CDH13: variants seen among roughly 807,000 people sequenced by gnomAD.
CDH13 encodes the protein cadherin-13.
In CDH13, 24 loss-of-function variants were observed where a neutral mutation model predicts 63.8. The observed-to-expected ratio is 0.38, with a 90% CI of 0.27 to 0.53. The LOEUF (loss-of-function observed/expected upper bound fraction) is 0.53. Among genes scored for constraint, CDH13 ranks in the 20% least tolerant of loss-of-function variants. CDH13 has a pLI of 0.85. For missense variants in CDH13, 1,049 were observed against 903.1 expected (o/e 1.16, Z -2.07); for synonymous variants, 503 against 355.3 (o/e 1.42, Z -4.67).
intron 3 of CDH13, among the ~76,000 whole-genome samples, chr16:83,122,415 T>C (rs1597375191): frequency 6.6e-6 from 1 of 152,354 alleles, no homozygotes; most frequent in East Asian, 1.9e-4. Flanking sequence ...TTTGAACACA[T>C]TTAATTAAAA....
At chr16:83,148,781 A>G (rs895500041) in intron 4 of CDH13, among the ~76,000 whole-genome samples, 3 of 151,976 alleles carry the variant, frequency 2.0e-5, no homozygotes, top group African/African-American at 7.3e-5. Flanking sequence ...TTATCCTTAT[A>G]CTCCTAATAT....
chr16:83,549,005 G>A (rs753074251), intron 7 of CDH13, among the ~76,000 whole-genome samples: 5 of 152,166 alleles, frequency 3.3e-5, no homozygotes, highest in Non-Finnish European at 7.3e-5. Flanking sequence ...CCCCTCATCT[G>A]CATAATTTTC....
chr16:83,458,989 G>A (rs748541464), intron 6 of CDH13, among the ~76,000 whole-genome samples: 1 of 152,172 alleles, frequency 6.6e-6, no homozygotes, highest in East Asian at 1.9e-4. Flanking sequence ...TTTTCATGGG[G>A]TTTTTCTTTT....
Position 83,011,906 on chromosome 16 carries a change from CTAT to C in CDH13, c.158-20098_158-20096del, listed in dbSNP as rs551082559. 2.3e-3 allele frequency among the ~76,000 whole-genome samples: 348 copies of C among 152,312 alleles called. 2 individuals carry two copies. Among genetic ancestry groups the C allele is most frequent in the African/African-American group, 7.8e-3 (324 of 41,552 alleles). On this transcript the variant is annotated intron_variant, in intron 2 of 13. Transcript: ENST00000567109. ...TGAACAACTGTTTCGTTCATTACAG[CTAT>C]TATTAATATTTTCAAAGTTATTATT...
intron 8 of CDH13, among the ~76,000 whole-genome samples, chr16:83,646,589 C>A (rs1039483755): frequency 2.0e-5 from 3 of 151,336 alleles, no homozygotes; most frequent in African/African-American, 7.3e-5. Context: ...GTAGTCCCAG[C>A]TACTCAGAGG....
intron 1 of CDH13, among the ~76,000 whole-genome samples, chr16:82,697,007 C>A (rs376407516): frequency 6.6e-6 from 1 of 152,266 alleles, no homozygotes; most frequent in East Asian, 1.9e-4. Flanking sequence ...TGGCTTTCTC[C>A]TGTGTGAAAT....
intron 13 of CDH13, among the ~76,000 whole-genome samples, chr16:83,786,383 C>T (rs1481247532): frequency 6.6e-6 from 1 of 152,100 alleles, no homozygotes; most frequent in Non-Finnish European, 1.5e-5. Context: ...ACTACGAATT[C>T]CTGAGCTCAG....
chr16:83,788,910 G>A (rs1328789036), intron 13 of CDH13, among the ~76,000 whole-genome samples: 1 of 147,232 alleles, frequency 6.8e-6, no homozygotes, highest in Non-Finnish European at 1.5e-5. Flanking sequence ...GCTGTACAAA[G>A]ACAGTAGTTT....
chr16:83,677,357 C>T (rs976584989), intron 9 of CDH13, among the ~76,000 whole-genome samples: 12 of 152,196 alleles, frequency 7.9e-5, no homozygotes, highest in South Asian at 2.1e-4. Flanking sequence ...TCCTCATCAA[C>T]GCTGCCCATT....
intron 5 of CDH13, among the ~76,000 whole-genome samples, chr16:83,240,969 A>G (rs1017721341): frequency 6.6e-6 from 1 of 152,132 alleles, no homozygotes; most frequent in South Asian, 2.1e-4. Context: ...CTTTATACCC[A>G]TTAAACACTA....
intron 7 of CDH13, among the ~76,000 whole-genome samples, chr16:83,561,397 G>T (rs9925355): frequency 0.011 from 1,489 of 139,984 alleles, 17 homozygotes; most frequent in African/African-American, 0.038. Flanking sequence ...TTGCACTTCA[G>T]CCTGAGCAAC....
In CDH13 at chr16:83,678,473, G is replaced by T. The variant is rs959178800; in HGVS notation, c.1538+12G>T. On this transcript the variant is annotated intron_variant, in intron 10 of 13. Transcript: ENST00000567109. ...CATCAAACCATCAGGTGGGTGAGTGGCTCCGGAACCACAGACGGGAGGTGG... is the reference window on the plus strand; with the variant it reads ...CATCAAACCATCAGGTGGGTGAGTGTCTCCGGAACCACAGACGGGAGGTGG... 6.2e-7 allele frequency: 1 copy of T among 1,613,558 alleles called. No individual in the cohort carries two copies. Among genetic ancestry groups the T allele is most frequent in the African/African-American group, 1.3e-5 (1 of 74,924 alleles).
intron 6 of CDH13, among the ~76,000 whole-genome samples, chr16:83,467,609 C>A (rs1196799057): frequency 6.6e-6 from 1 of 152,190 alleles, no homozygotes; most frequent in South Asian, 2.1e-4. Flanking sequence ...GAAACTGACG[C>A]TGAAACTTTC....
At chr16:82,838,593 T>C (rs924676686) in intron 1 of CDH13, among the ~76,000 whole-genome samples, 4 of 152,206 alleles carry the variant, frequency 2.6e-5, no homozygotes, top group African/African-American at 9.7e-5. Flanking sequence ...CCAAATCTCA[T>C]CTTTCCTCAA....
rs147565718 is a variant in CDH13 at position 82,937,135 on chromosome 16, C to T, written c.157+78662C>T. On this transcript the variant is annotated intron_variant, in intron 2 of 13. Transcript: ENST00000567109. Reference sequence around the variant, plus strand: ...ACTAGCATTAAACTAAACCCACAAACGCCTGTTCCCTCTTGATAGGGTGGT... The same window carrying T: ...ACTAGCATTAAACTAAACCCACAAATGCCTGTTCCCTCTTGATAGGGTGGT... Among the ~76,000 whole-genome samples, 15 of 152,236 alleles carry T rather than the reference C, an allele frequency of 9.9e-5. No homozygotes were observed. In the East Asian group the frequency reaches 1.7e-3, roughly 18 times the overall value.
At chr16:83,084,909 T>C (rs2033483978) in intron 3 of CDH13, among the ~76,000 whole-genome samples, 1 of 152,036 alleles carries the variant, frequency 6.6e-6, no homozygotes, top group Non-Finnish European at 1.5e-5. Flanking sequence ...ATAGGTTGAG[T>C]AAGTAGAGGT....
chr16:83,651,802 G>A (rs994188875), intron 8 of CDH13, among the ~76,000 whole-genome samples: 139 of 151,976 alleles, frequency 9.1e-4, no homozygotes, highest in African/African-American at 3.2e-3. Flanking sequence ...CACCATGCTG[G>A]CCAGCTGGTC....
At chr16:83,526,475 C>A (rs1598221803) in intron 7 of CDH13, among the ~76,000 whole-genome samples, 1 of 152,270 alleles carries the variant, frequency 6.6e-6, no homozygotes, top group African/African-American at 2.4e-5. Flanking sequence ...AAGCTAGATC[C>A]CTTGCATGCA....
intron 7 of CDH13, among the ~76,000 whole-genome samples, chr16:83,510,879 A>G (rs2074540745): frequency 6.6e-6 from 1 of 152,268 alleles, no homozygotes; most frequent in African/African-American, 2.4e-5. Context: ...AATGTAGGTC[A>G]GTGCATTTCA....
Sources: allele counts gnomAD v4.1 joint callset (sites outside exome capture counted in the v4.1 genomes callset), GRCh38; gene constraint gnomAD v4.1.1; transcripts MANE v1.5; gene names NCBI Gene and HGNC (gene_info 2026-07-23, HGNC 2026-07-21).